AIG1: variants seen among roughly 807,000 people sequenced by gnomAD.
AIG1 encodes androgen induced 1, also known as androgen-induced gene 1 protein.
In AIG1, 23 loss-of-function variants were observed where a neutral mutation model predicts 31.4. The observed-to-expected ratio is 0.73, with a 90% CI of 0.53 to 1.04. AIG1 has a LOEUF of 1.04. Ranked by LOEUF, AIG1 falls within the 50% of genes least tolerant of loss-of-function variation. AIG1 has a pLI of 0.00. For synonymous variants in AIG1, 100 were observed against 110.5 expected (o/e 0.90, Z 0.60); for missense variants, 274 against 295.0 (o/e 0.93, Z 0.52).
intron 5 of AIG1, among the ~76,000 whole-genome samples, chr6:143,336,155 G>T (rs9376745): frequency 0.66 from 99,785 of 151,888 alleles, 33,574 homozygotes; most frequent in East Asian, 1. Context: ...ACAATCCTGA[G>T]TATTTCACAT....
intron 2 of AIG1, among the ~76,000 whole-genome samples, chr6:143,164,787 A>G (rs1297032412): frequency 6.6e-6 from 1 of 152,188 alleles, no homozygotes; most frequent in Non-Finnish European, 1.5e-5. Context: ...AAACCAGCAC[A>G]ATTAGCCCTG....
intron 1 of AIG1, among the ~76,000 whole-genome samples, chr6:143,083,122 T>A (rs987063988): frequency 6.6e-6 from 1 of 152,212 alleles, no homozygotes; most frequent in Non-Finnish European, 1.5e-5. Flanking sequence ...CTTTGGATAA[T>A]TTTAGCCGTA....
At chr6:143,100,776 C>G (rs1303468413) in intron 1 of AIG1, among the ~76,000 whole-genome samples, 1 of 151,798 alleles carries the variant, frequency 6.6e-6, no homozygotes, top group Non-Finnish European at 1.5e-5. Flanking sequence ...ACCTATGCCT[C>G]CAGGTTCAAG....
At chr6:143,169,218 A>T (rs1209965517) in intron 3 of AIG1, among the ~76,000 whole-genome samples, 1 of 152,094 alleles carries the variant, frequency 6.6e-6, no homozygotes, top group Non-Finnish European at 1.5e-5. Context: ...TCAATGGGTA[A>T]CACATACATA....
In AIG1 at chr6:143,066,283, TG is replaced by T. The variant is rs745939057; in HGVS notation, c.141+5218del. Among the ~76,000 whole-genome samples the T allele has an allele frequency of 2.8e-4, 41 of 146,940 alleles. No homozygotes were observed. The South Asian group carries it at 4.8e-3, about 17-fold the overall frequency. ...ATATATGAATTCTGCCTATTTTCTT[TG>T]TTTTTTTTTTGAGACAGAGTTTCAC... On this transcript the variant is annotated intron_variant, in intron 1 of 5. Coordinates refer to ENST00000357847, the MANE Select transcript of AIG1 (RefSeq NM_016108.4).
intron 4 of AIG1, among the ~76,000 whole-genome samples, chr6:143,312,629 C>T (rs1479192940): frequency 6.6e-6 from 1 of 151,992 alleles, no homozygotes. Flanking sequence ...TGGGGAAATT[C>T]TCTAGGACAT....
intron 2 of AIG1, among the ~76,000 whole-genome samples, chr6:143,162,423 A>G (rs1246611982): frequency 6.6e-6 from 1 of 152,236 alleles, no homozygotes; most frequent in Non-Finnish European, 1.5e-5. Context: ...TGGAAATGCA[A>G]AGGACTTAAA....
chr6:143,068,061 A>C (rs1384927822), intron 1 of AIG1, among the ~76,000 whole-genome samples: 1 of 152,172 alleles, frequency 6.6e-6, no homozygotes, highest in African/African-American at 2.4e-5. Context: ...GAAATAGTTG[A>C]TGATATAATC....
intron 1 of AIG1, among the ~76,000 whole-genome samples, chr6:143,084,467 C>T (rs535294450): frequency 1.6e-4 from 25 of 152,146 alleles, no homozygotes; most frequent in Non-Finnish European, 3.1e-4. Flanking sequence ...ATGACTAAAG[C>T]GGTGGCCTTT....
At chr6:143,133,027 T>C (rs906872410) in intron 1 of AIG1, among the ~76,000 whole-genome samples, 17 of 152,174 alleles carry the variant, frequency 1.1e-4, no homozygotes, top group African/African-American at 4.1e-4. Flanking sequence ...CTGTTATTTC[T>C]ACATCTGTTT....
chr6:143,060,810 CCCCGCCCCGCGCCCGCG>C, upstream of AIG1: 1 of 141,978 alleles, frequency 7.0e-6, no homozygotes, highest in African/African-American at 2.8e-5. Flanking sequence ...CCCCGCCCCG[CCCCGCCCCGCGCCCGCG>C]CCCGCGCCCG....
At chr6:143,275,853 T>G (rs1466521589) in intron 3 of AIG1, among the ~76,000 whole-genome samples, 2 of 152,174 alleles carry the variant, frequency 1.3e-5, no homozygotes, top group East Asian at 3.8e-4. Flanking sequence ...CACATACTAA[T>G]TGGGAAATCT....
In AIG1 at chr6:143,309,068, AG is replaced by A. The variant is rs1775049048; in HGVS notation, c.516-24213del. On this transcript the variant is annotated intron_variant, in intron 4 of 5. Transcript: ENST00000357847. ...CTTTTACTTATAGAGAAAGAGGATA[AG>A]AATTATAATATACTTCTCATCAGAA... 4.6e-5 allele frequency among the ~76,000 whole-genome samples: 7 copies of A among 152,214 alleles called. No individual in the cohort carries two copies. The South Asian group carries it at 1.4e-3, about 32-fold the overall frequency.
chr6:143,071,000 C>G (rs942110808), intron 1 of AIG1, among the ~76,000 whole-genome samples: 10 of 152,194 alleles, frequency 6.6e-5, no homozygotes, highest in African/African-American at 2.4e-4. Context: ...AATATCACAA[C>G]CAAGATATTG....
intron 3 of AIG1, among the ~76,000 whole-genome samples, chr6:143,177,070 G>T (rs1350884518): frequency 6.6e-6 from 1 of 152,172 alleles, no homozygotes; most frequent in East Asian, 1.9e-4. Context: ...TCTTCTGCCT[G>T]ATCTAGTCTA....
intron 3 of AIG1, among the ~76,000 whole-genome samples, chr6:143,232,469 A>G (rs1793509606): frequency 6.6e-6 from 1 of 152,214 alleles, no homozygotes; most frequent in South Asian, 2.1e-4. Flanking sequence ...GCATGTGTGC[A>G]GGCCAGCTGT....
At chr6:143,132,331 T>G (rs1304221441) in intron 1 of AIG1, among the ~76,000 whole-genome samples, 3 of 152,170 alleles carry the variant, frequency 2.0e-5, no homozygotes, top group African/African-American at 7.2e-5. Context: ...TCTCTCAGTT[T>G]CTGTTTATCT....
intron 4 of AIG1, among the ~76,000 whole-genome samples, chr6:143,302,139 A>G (rs949970204): frequency 4.6e-5 from 7 of 152,096 alleles, no homozygotes; most frequent in African/African-American, 1.4e-4. Flanking sequence ...ACTATGGAAG[A>G]AAAGAGAATT....
chr6:143,290,493 C>G (rs192186124), intron 4 of AIG1, among the ~76,000 whole-genome samples: 1 of 152,196 alleles, frequency 6.6e-6, no homozygotes, highest in African/African-American at 2.4e-5. Flanking sequence ...GAGGCATCCC[C>G]CCTTACCAGT....
Sources: allele counts gnomAD v4.1 joint callset (sites outside exome capture counted in the v4.1 genomes callset), GRCh38; gene constraint gnomAD v4.1.1; transcripts MANE v1.5; gene names NCBI Gene and HGNC (gene_info 2026-07-23, HGNC 2026-07-21).